HDAC9: variants seen among roughly 807,000 people sequenced by gnomAD.
HDAC9 encodes MEF-2 interacting transcription repressor (MITR) protein.
HDAC9 carries 41 observed loss-of-function variants against 139.4 expected under a neutral mutation model. The ratio of observed to expected loss-of-function variants is 0.29; its 90% confidence interval spans 0.23 to 0.38. The LOEUF is 0.38. Among genes scored for constraint, HDAC9 ranks in the 10% least tolerant of loss-of-function variants. HDAC9 has a pLI of 1.00. For synonymous variants in HDAC9, 517 were observed against 476.2 expected, an observed-to-expected ratio of 1.09 and a Z score of -1.12; for missense variants, 1,147 against 1,297.0, an observed-to-expected ratio of 0.88 and a Z score of 1.78.
chr7:18,789,281 T>TA (rs1792090659), intron 16 of HDAC9, among the ~76,000 whole-genome samples: 2 of 52,342 alleles, frequency 3.8e-5, no homozygotes, highest in South Asian at 1.8e-3. Context: ...CGCAGACACA[T>TA]ACACGCACAC....
At chr7:18,135,569 T>TG (rs1486473746) in intron 1 of HDAC9, among the ~76,000 whole-genome samples, 1 of 134,716 alleles carries the variant, frequency 7.4e-6, no homozygotes, top group African/African-American at 2.9e-5. Context: ...TTTTTGTTCT[T>TG]GCGATAGTTT....
intron 13 of HDAC9, among the ~76,000 whole-genome samples, chr7:18,733,316 T>C (rs868834756): frequency 2.5e-4 from 38 of 150,250 alleles, no homozygotes; most frequent in Middle Eastern, 7.1e-3. Flanking sequence ...ATAATGTATA[T>C]ATACACATGT....
intron 1 of HDAC9, among the ~76,000 whole-genome samples, chr7:18,121,303 G>T (rs2128093387): frequency 6.6e-6 from 1 of 152,268 alleles, no homozygotes; most frequent in Admixed American, 6.5e-5. Context: ...AATATAGGCA[G>T]TTGCCTTGTG....
At chr7:18,103,727 A>AT (rs1783004246) in intron 1 of HDAC9, among the ~76,000 whole-genome samples, 3 of 152,244 alleles carry the variant, frequency 2.0e-5, no homozygotes, top group Admixed American at 2.0e-4. Context: ...CCACAGGCTA[A>AT]TTGATATAAA....
intron 1 of HDAC9, among the ~76,000 whole-genome samples, chr7:18,117,120 T>G (rs1473110023): frequency 6.6e-6 from 1 of 151,862 alleles, no homozygotes; most frequent in Non-Finnish European, 1.5e-5. Context: ...CCCCAAGAGG[T>G]CTGTTTAAAT....
intron 12 of HDAC9, among the ~76,000 whole-genome samples, chr7:18,723,575 C>A (rs1386716061): frequency 6.6e-6 from 1 of 152,168 alleles, no homozygotes; most frequent in Non-Finnish European, 1.5e-5. Flanking sequence ...CTGGTAGACA[C>A]TGGACAGGTA....
intron 12 of HDAC9, among the ~76,000 whole-genome samples, chr7:18,679,518 T>A (rs138868422): frequency 6.7e-6 from 1 of 149,464 alleles, no homozygotes; most frequent in East Asian, 2.0e-4. Flanking sequence ...TTTCTTTCCT[T>A]TCTTTCTTTC....
At chr7:18,666,612 G>A in intron 12 of HDAC9, 136 bp downstream of exon 12, 2 of 1,472,576 alleles carry the variant, frequency 1.4e-6, no homozygotes, top group Non-Finnish European at 1.8e-6. Flanking sequence ...AGTGTTTAAG[G>A]ATTCTACCTA....
chr7:18,349,882 T>G (rs1782721751), intron 1 of HDAC9, among the ~76,000 whole-genome samples: 1 of 152,318 alleles, frequency 6.6e-6, no homozygotes, highest in South Asian at 2.1e-4. Flanking sequence ...CAGTTGTTCT[T>G]TGCTTTGGAA....
intron 13 of HDAC9, among the ~76,000 whole-genome samples, chr7:18,733,462 A>G (rs1786586952): frequency 6.6e-6 from 1 of 151,290 alleles, no homozygotes; most frequent in African/African-American, 2.4e-5. Context: ...GCTGTCCTCA[A>G]ATATATATGC....
chr7:18,438,016 C>T (rs1585899802), intron 1 of HDAC9, among the ~76,000 whole-genome samples: 1 of 151,324 alleles, frequency 6.6e-6, no homozygotes, highest in Non-Finnish European at 1.5e-5. Context: ...GGCAACATGT[C>T]TTGGACATCT....
intron 22 of HDAC9, among the ~76,000 whole-genome samples, chr7:18,893,531 T>C (rs556059840): frequency 1.3e-5 from 2 of 152,286 alleles, no homozygotes; most frequent in Admixed American, 6.5e-5. Flanking sequence ...TCCCTGGCCA[T>C]ATGGTTATTT....
chr7:18,578,275 G>A (rs1452611497), intron 2 of HDAC9: 8 of 517,224 alleles, frequency 1.5e-5, no homozygotes, highest in South Asian at 2.8e-5. Flanking sequence ...CAATGACATC[G>A]AAGGTGTTTT....
intron 2 of HDAC9, among the ~76,000 whole-genome samples, chr7:18,182,161 T>G (rs1789492597): frequency 6.6e-6 from 1 of 152,176 alleles, no homozygotes; most frequent in African/African-American, 2.4e-5. Context: ...GCCTGGAAAC[T>G]TGAAGAGCTT....
At chr7:18,884,531 TA>T (rs556964649) in intron 22 of HDAC9, among the ~76,000 whole-genome samples, 1 of 152,046 alleles carries the variant, frequency 6.6e-6, no homozygotes, top group Non-Finnish European at 1.5e-5. Context: ...TTATACCATG[TA>T]AAAAAAATCA....
chr7:18,237,251 T>C (rs1793882484), intron 2 of HDAC9, among the ~76,000 whole-genome samples: 1 of 152,196 alleles, frequency 6.6e-6, no homozygotes, highest in Admixed American at 6.5e-5. Flanking sequence ...GATTAGAAGT[T>C]ATTTTTAGGC....
At chr7:18,452,292 T>G (rs1402009228) in intron 1 of HDAC9, among the ~76,000 whole-genome samples, 1 of 152,028 alleles carries the variant, frequency 6.6e-6, no homozygotes, top group Non-Finnish European at 1.5e-5. Flanking sequence ...AACATAGAAG[T>G]GGCAGCAGGA....
At chr7:18,736,674 G>T (rs1786935375) in intron 13 of HDAC9, among the ~76,000 whole-genome samples, 1 of 152,170 alleles carries the variant, frequency 6.6e-6, no homozygotes, top group Non-Finnish European at 1.5e-5. Flanking sequence ...ATGTTCATCA[G>T]GGATATTGGT....
At chr7:18,646,483 G>T (rs1787462673) in intron 9 of HDAC9, among the ~76,000 whole-genome samples, 1 of 152,112 alleles carries the variant, frequency 6.6e-6, no homozygotes, top group African/African-American at 2.4e-5. Flanking sequence ...GCATTGCTTT[G>T]CCAACGGGAT....
Sources: gnomAD v4.1 joint callset for allele counts (sites outside exome capture counted in the v4.1 genomes callset) on GRCh38, gnomAD v4.1.1 for gene constraint, MANE v1.5 for transcripts, NCBI Gene and HGNC (gene_info 2026-07-23, HGNC 2026-07-21) for gene names.